CFTR: variants seen among roughly 807,000 people sequenced by gnomAD.
The protein encoded by CFTR is cystic fibrosis transmembrane conductance regulator.
Under a neutral mutation model 171.6 loss-of-function variants are expected in CFTR, and 181 were observed. That is an observed-to-expected ratio of 1.05 (90% CI 0.93 to 1.19). The LOEUF is 1.19. Ranked by LOEUF, CFTR falls within the 50% of genes most tolerant of loss-of-function variation. The probability of loss-of-function intolerance (pLI) is 0.00; values close to 1 mark genes in which losing one functional copy is unlikely to be tolerated. For synonymous variants in CFTR, 583 were observed against 608.0 expected (o/e 0.96, Z 0.60); for missense variants, 1,968 against 1,734.7 (o/e 1.13, Z -2.39).
chr7:117,615,720 C>G (rs1413885532), intron 21 of CFTR, among the ~76,000 whole-genome samples: 2 of 151,720 alleles, frequency 1.3e-5, no homozygotes, highest in African/African-American at 4.8e-5. Context: ...GGGCACAAAT[C>G]CCATTGCAGC....
rs192678798 is a variant in CFTR at position 117,627,411 on chromosome 7, G to C, written c.3469-111G>C. 2.5e-3 allele frequency: 2,834 copies of C among 1,114,850 alleles called. 6 individuals are homozygous for C. Among genetic ancestry groups the C allele is most frequent in the Non-Finnish European group, 3.3e-3 (2,500 of 753,636 alleles). 69.1% of individuals were successfully genotyped at this position (1,114,850 alleles called of 1,614,324 possible). A position where few individuals can be genotyped will look rare whatever the true frequency, so the allele number is the denominator to read the frequency against. The stretch of plus-strand genomic sequence containing the variant: ...ATTGAAAAGCCCGACAAATAACCAA[G>C]TGACAAATAGCAAGTGTTGCATTTT... On this transcript the variant is annotated intron_variant, in intron 21 of 26. Transcript: ENST00000003084.
chr7:117,536,177 C>G (rs1053145775), intron 6 of CFTR, among the ~76,000 whole-genome samples: 2 of 152,152 alleles, frequency 1.3e-5, no homozygotes, highest in African/African-American at 4.8e-5. Context: ...CAGAAAGTAT[C>G]TAAGTTTTGG....
chr7:117,587,978 C>T (rs1023558558), intron 12 of CFTR, 145 bp downstream of exon 12: 5 of 647,904 alleles, frequency 7.7e-6, no homozygotes, highest in African/African-American at 7.3e-5. Context: ...TTAAGAATCA[C>T]ATTTAAGAAC....
chr7:117,546,564 CTT>C (rs1334054312), intron 9 of CFTR, among the ~76,000 whole-genome samples: 2 of 152,050 alleles, frequency 1.3e-5, no homozygotes, highest in African/African-American at 4.8e-5. Flanking sequence ...GGTGATTTCT[CTT>C]TTCTTATTTC....
At chr7:117,496,711 A>G (rs1328455571) in intron 1 of CFTR, among the ~76,000 whole-genome samples, 5 of 152,214 alleles carry the variant, frequency 3.3e-5, no homozygotes, top group African/African-American at 1.2e-4. Context: ...TGGATGGGCC[A>G]TATAGTAACT....
intron 15 of CFTR, among the ~76,000 whole-genome samples, chr7:117,597,168 C>A (rs117239558): frequency 6.6e-6 from 1 of 152,156 alleles, no homozygotes; most frequent in Non-Finnish European, 1.5e-5. Flanking sequence ...GTCCGCATTG[C>A]GTTTATGAGC....
At chr7:117,568,129 G>A (rs1038044073) in intron 11 of CFTR, among the ~76,000 whole-genome samples, 2 of 152,196 alleles carry the variant, frequency 1.3e-5, no homozygotes, top group African/African-American at 2.4e-5. Flanking sequence ...ACCCAAGAGA[G>A]CACTTTGCCC....
intron 23 of CFTR, among the ~76,000 whole-genome samples, chr7:117,646,247 G>A (rs905102473): frequency 1.2e-4 from 18 of 152,096 alleles, no homozygotes; most frequent in Non-Finnish European, 1.9e-4. Flanking sequence ...TGTGGTGGTT[G>A]TTATTATTTT....
intron 7 of CFTR, 36 bp downstream of exon 7, chr7:117,536,709 T>A: frequency 6.4e-7 from 1 of 1,564,088 alleles, no homozygotes; most frequent in East Asian, 2.3e-5. Flanking sequence ...TTGTTAGTAA[T>A]TCTGTCCTTA....
intron 6 of CFTR, among the ~76,000 whole-genome samples, chr7:117,536,254 A>C (rs143051292): frequency 5.9e-5 from 9 of 152,320 alleles, no homozygotes; most frequent in African/African-American, 1.9e-4. Context: ...TAGTCAAGCC[A>C]CTTCACCTCA....
intron 1 of CFTR, among the ~76,000 whole-genome samples, chr7:117,496,481 G>C (rs1263763341): frequency 6.6e-6 from 1 of 152,092 alleles, no homozygotes; most frequent in Non-Finnish European, 1.5e-5. Flanking sequence ...TGGGATTATA[G>C]GTGTGAGCCA....
At chr7:117,533,290 T>C (rs539618076) in intron 4 of CFTR, among the ~76,000 whole-genome samples, 1 of 152,270 alleles carries the variant, frequency 6.6e-6, no homozygotes, top group South Asian at 2.1e-4. Flanking sequence ...TCTGCTTGTC[T>C]ATACACTATT....
chr7:117,611,802 A>G lies in CFTR; in HGVS notation c.3361A>G (p.Thr1121Ala). 6.2e-7 allele frequency: 1 copy of G among 1,606,088 alleles called. No individual in the cohort carries two copies. Among genetic ancestry groups the G allele is most frequent in the South Asian group, 1.1e-5 (1 of 90,890 alleles). Residue 1121 changes from threonine to alanine, a missense_variant, in exon 20 of 27, where the codon ACA (threonine) becomes GCA (alanine). Coordinates refer to ENST00000003084, the MANE Select transcript of CFTR (RefSeq NM_000492.4). ...FIAVTFISIL[T>A]TGEGEGRVGI... ...TGCTGTTACCTTCATTTCCATTTTA[A>G]CAACAGGTACTATGAACTCATTAAC... is the stretch of plus-strand genomic sequence containing the variant.
chr7:117,635,396 C>T (rs1472100037), intron 22 of CFTR, among the ~76,000 whole-genome samples: 8 of 151,974 alleles, frequency 5.3e-5, no homozygotes, highest in Admixed American at 5.2e-4. Flanking sequence ...TCCACTTTGA[C>T]AATCTTTGTC....
intron 1 of CFTR, among the ~76,000 whole-genome samples, chr7:117,499,429 C>CTGTGTGTGTGTGTGTGTGTG (rs56985019): frequency 1.5e-3 from 198 of 135,918 alleles, no homozygotes; most frequent in African/African-American, 5.1e-3. Context: ...ATAGTTTCAT[C>CTGTGTGTGTGTGTGTGTGTG]TGTGTGTGTG....
intron 23 of CFTR, among the ~76,000 whole-genome samples, chr7:117,644,415 A>G (rs755399396): frequency 3.3e-5 from 5 of 150,322 alleles, no homozygotes; most frequent in Non-Finnish European, 5.9e-5. Flanking sequence ...CCTAAAGTTT[A>G]AAAAGAAAAA....
chr7:117,552,511 C>G (rs866468954), intron 10 of CFTR, among the ~76,000 whole-genome samples: 57 of 151,992 alleles, frequency 3.8e-4, no homozygotes, highest in Middle Eastern at 3.4e-3. Context: ...ACCTTCCTTT[C>G]TTTTGAATAT....
At chr7:117,495,093 C>A (rs1033843384) in intron 1 of CFTR, among the ~76,000 whole-genome samples, 1 of 152,030 alleles carries the variant, frequency 6.6e-6, no homozygotes, top group Non-Finnish European at 1.5e-5. Flanking sequence ...ATTTTTATTG[C>A]CAATGGAAAT....
At chr7:117,564,142 T>C (rs913900455) in intron 11 of CFTR, among the ~76,000 whole-genome samples, 1 of 152,218 alleles carries the variant, frequency 6.6e-6, no homozygotes, top group African/African-American at 2.4e-5. Flanking sequence ...TTTAAACTCT[T>C]GTTGGATGAC....
Sources: gnomAD v4.1 joint callset for allele counts (sites outside exome capture counted in the v4.1 genomes callset) on GRCh38, gnomAD v4.1.1 for gene constraint, MANE v1.5 for transcripts, NCBI Gene and HGNC (gene_info 2026-07-23, HGNC 2026-07-21) for gene names.